The following SEPTIN9 variants were observed in gnomAD, a reference collection of about 807,000 sequenced individuals.
SEPTIN9 encodes septin 9.
In SEPTIN9, 13 loss-of-function variants were observed where a neutral mutation model predicts 56.6. The observed-to-expected ratio is 0.23, with a 90% CI of 0.15 to 0.37. The LOEUF (loss-of-function observed/expected upper bound fraction) is 0.37. SEPTIN9 is among the 10% of genes least tolerant of loss of function. SEPTIN9 has a pLI of 1.00. For missense variants in SEPTIN9, 650 were observed against 823.1 expected (o/e 0.79, Z 2.57); for synonymous variants, 332 against 334.1 (o/e 0.99, Z 0.07).
At chr17:77,428,440 G>C (rs1262491288) in intron 3 of SEPTIN9, among the ~76,000 whole-genome samples, 1 of 152,216 alleles carries the variant, frequency 6.6e-6, no homozygotes, top group Non-Finnish European at 1.5e-5. Context: ...GCCTTCTGGA[G>C]CCTTTCAACT....
At chr17:77,308,230 G>A (rs1289272249) in intron 2 of SEPTIN9, among the ~76,000 whole-genome samples, 1 of 152,238 alleles carries the variant, frequency 6.6e-6, no homozygotes, top group East Asian at 1.9e-4. Flanking sequence ...CAGGGACTGT[G>A]CCTTCATGAA....
rs1598370798 is a variant in SEPTIN9 at position 77,435,267 on chromosome 17, G to A, written c.721+32564G>A. ...CCACTGTCATTTACCTCTTCGGCCA[G>A]CCCTCTGATTGCAAAACCTGAGGCC... On this transcript the variant is annotated intron_variant, in intron 3 of 11. Transcript: ENST00000427177. The surrounding 1 kb of genome is among the most constrained non-coding windows in gnomAD (Gnocchi z 4.5). Among the ~76,000 whole-genome samples, 1 of 152,140 alleles carries A rather than the reference G, an allele frequency of 6.6e-6. No homozygotes were observed. Among genetic ancestry groups the A allele is most frequent in the East Asian group, 1.9e-4 (1 of 5,186 alleles).
In SEPTIN9 at chr17:77,451,498, G is replaced by C. The variant is rs776805660; in HGVS notation, c.722-30646G>C. 2 of 985,750 alleles carry C rather than the reference G, an allele frequency of 2.0e-6. No individual in the cohort carries two copies. Among genetic ancestry groups the C allele is most frequent in the Non-Finnish European group, 2.4e-6 (2 of 830,254 alleles). 61.1% of individuals were successfully genotyped at this position (985,750 alleles called of 1,614,324 possible). ...GTGGGCGGGCCGCGGCTCTCGGCGC[G>C]TCCAGCGCAGCCCGACGTTCCGCTG... On this transcript the variant is annotated intron_variant, in intron 3 of 11. Coordinates refer to ENST00000427177, the MANE Select transcript of SEPTIN9 (RefSeq NM_001113491.2). This position sits in a 1 kb window ranked among gnomAD's most constrained non-coding sequence, Gnocchi z 4.2.
At chr17:77,461,156 A>T (rs1000165567) in intron 3 of SEPTIN9, among the ~76,000 whole-genome samples, 1 of 151,814 alleles carries the variant, frequency 6.6e-6, no homozygotes, top group Non-Finnish European at 1.5e-5. Flanking sequence ...AATACAAAAA[A>T]TTGGCTGGGT....
chr17:77,431,167 GGGGTAGTGGCGCTTGC>G (rs1183632518), intron 3 of SEPTIN9, among the ~76,000 whole-genome samples: 1 of 152,144 alleles, frequency 6.6e-6, no homozygotes, highest in Non-Finnish European at 1.5e-5. Flanking sequence ...AGAGGTGCTA[GGGGTAGTGGCGCTTGC>G]CTGTAGTCCC....
chr17:77,454,953 TG>T (rs1368281996), intron 3 of SEPTIN9, among the ~76,000 whole-genome samples: 1 of 150,618 alleles, frequency 6.6e-6, no homozygotes, highest in African/African-American at 2.4e-5. Flanking sequence ...TTGCTGGGGG[TG>T]GGGGGTCAGT....
chr17:77,343,669 G>A (rs752556226), intron 2 of SEPTIN9, among the ~76,000 whole-genome samples: 1 of 152,220 alleles, frequency 6.6e-6, no homozygotes, highest in Non-Finnish European at 1.5e-5. Context: ...GGGCAGTCTT[G>A]TGAGATGGAA....
chr17:77,478,785 CAA>C (rs1478971448), intron 3 of SEPTIN9, among the ~76,000 whole-genome samples: 1 of 119,042 alleles, frequency 8.4e-6, no homozygotes, highest in Non-Finnish European at 1.7e-5. Context: ...GCCTGGGCAA[CAA>C]GAGCAAAACT....
Position 77,323,437 on chromosome 17 carries a change from G to A in SEPTIN9, c.76+16240G>A, listed in dbSNP as rs1384380402. ...AACTTTCCACTGGGGAGCTCTGTTG[G>A]GCTGGGAGGCTAGGAACAGGCCACG... is the stretch of plus-strand genomic sequence containing the variant. On this transcript the variant is annotated intron_variant, in intron 2 of 11. Transcript: ENST00000427177. This position sits in a 1 kb window ranked among gnomAD's most constrained non-coding sequence, Gnocchi z 6.8. Among the ~76,000 whole-genome samples, 4 of 152,206 alleles carry A rather than the reference G, an allele frequency of 2.6e-5. No homozygotes were observed. The highest frequency in any genetic ancestry group is 4.4e-5 in the Non-Finnish European group (3 of 68,030).
rs1410204650 is a variant in SEPTIN9 at position 77,329,602 on chromosome 17, T to C, written c.76+22405T>C. 6.6e-6 allele frequency among the ~76,000 whole-genome samples: 1 copy of C among 151,964 alleles called. No individual in the cohort carries two copies. The highest frequency in any genetic ancestry group is 1.5e-5 in the Non-Finnish European group (1 of 67,980). ...CGCTCATCCCTCGTTCCTTCCTGTT[T>C]CGTGGGATGCTGAGTCTCTGGGCAG... is the stretch of plus-strand genomic sequence containing the variant. On this transcript the variant is annotated intron_variant, in intron 2 of 11. Transcript: ENST00000427177. The surrounding 1 kb of genome is among the most constrained non-coding windows in gnomAD (Gnocchi z 4.3).
rs374206904 is a variant in SEPTIN9, at chr17:77,421,874, G to C, written c.721+19171G>C. Among the ~76,000 whole-genome samples, 1 of 151,168 alleles carries C rather than the reference G, an allele frequency of 6.6e-6. No homozygotes were observed. Among genetic ancestry groups the C allele is most frequent in the African/African-American group, 2.4e-5 (1 of 41,098 alleles). ...GGAGTGTAGGGATTTTTTTTGAGAC[G>C]GTCTCTCTCTGTCGCCCAGGCTGGA... On this transcript the variant is annotated intron_variant, in intron 3 of 11. Transcript: ENST00000427177. The surrounding 1 kb of genome is among the most constrained non-coding windows in gnomAD (Gnocchi z 4.6).
chr17:77,385,465 C>T (rs1159905804), intron 2 of SEPTIN9, among the ~76,000 whole-genome samples: 1 of 152,110 alleles, frequency 6.6e-6, no homozygotes, highest in Non-Finnish European at 1.5e-5. Context: ...GTGATCCATC[C>T]ATCTCGGCCT....
intron 2 of SEPTIN9, among the ~76,000 whole-genome samples, chr17:77,342,072 CT>C (rs1225775481): frequency 1.2e-5 from 1 of 84,252 alleles, no homozygotes; most frequent in South Asian, 4.1e-4. Flanking sequence ...AAGACTCTGT[CT>C]CAAAAAAAAA....
intron 3 of SEPTIN9, among the ~76,000 whole-genome samples, chr17:77,443,891 T>G (rs1203723152): frequency 6.6e-6 from 1 of 152,156 alleles, no homozygotes; most frequent in Non-Finnish European, 1.5e-5. Flanking sequence ...GGGCGAGCAC[T>G]TCTTAGAAAG....
chr17:77,361,745 G>T (rs546044378), intron 2 of SEPTIN9, among the ~76,000 whole-genome samples: 1 of 151,894 alleles, frequency 6.6e-6, no homozygotes, highest in Admixed American at 6.6e-5. Flanking sequence ...CCATTCTCCC[G>T]CCTCAGCCTC....
intron 3 of SEPTIN9, among the ~76,000 whole-genome samples, chr17:77,480,387 G>A (rs1321343297): frequency 2.0e-5 from 3 of 152,348 alleles, no homozygotes; most frequent in East Asian, 1.9e-4. Context: ...GAAATAGGCC[G>A]AGAGGGATGG....
At chr17:77,494,935 C>A (rs1479551253) in intron 10 of SEPTIN9, among the ~76,000 whole-genome samples, 1 of 152,258 alleles carries the variant, frequency 6.6e-6, no homozygotes, top group Non-Finnish European at 1.5e-5. Context: ...TTTCCAGTAT[C>A]CGCCTGTGGT....
At position 77,402,404 on chromosome 17, in the gene SEPTIN9, A is replaced by G. The variant is rs1396748657; in HGVS notation, c.422A>G (p.Lys141Arg). Residue 141 changes from lysine (K) to arginine (R), a missense_variant, in exon 3 of 12, where the codon AAG (lysine) becomes AGG (arginine). Lys to Arg is a conservative substitution (Grantham distance 26). Transcript: ENST00000427177. The surrounding 1 kb of genome is among the most constrained non-coding windows in gnomAD (Gnocchi z 6.6). Reference sequence around the variant, plus strand: ...AAGAGGGCCGAGGTGTTGGGCCACAAGACGCCAGAACCGGCCCCTCGGAGG... The same window carrying G: ...AAGAGGGCCGAGGTGTTGGGCCACAGGACGCCAGAACCGGCCCCTCGGAGG... ...GLKRAEVLGH[K>R]TPEPAPRRTE... 6.2e-7 allele frequency: 1 copy of G among 1,611,406 alleles called. No homozygotes were observed. Among genetic ancestry groups the G allele is most frequent in the South Asian group, 1.1e-5 (1 of 90,808 alleles).
chr17:77,347,910 G>A (rs2033936839), intron 2 of SEPTIN9, among the ~76,000 whole-genome samples: 1 of 152,136 alleles, frequency 6.6e-6, no homozygotes, highest in African/African-American at 2.4e-5. Context: ...GCTAGGCTAA[G>A]CTAGAATGTT....
Sources: gnomAD v4.1 joint callset for allele counts (sites outside exome capture counted in the v4.1 genomes callset) on GRCh38, gnomAD v4.1.1 for gene constraint, Gnocchi (gnomAD v3.1) non-coding constraint, MANE v1.5 for transcripts, NCBI Gene and HGNC (gene_info 2026-07-23, HGNC 2026-07-21) for gene names.